The following ATRNL1 variants were observed in gnomAD, a reference collection of about 807,000 sequenced individuals.
The protein encoded by ATRNL1 is attractin-like protein 1.
ATRNL1 carries 95 observed loss-of-function variants against 182.7 expected under a neutral mutation model. The observed-to-expected ratio is 0.52, with a 90% CI of 0.44 to 0.62. The LOEUF (loss-of-function observed/expected upper bound fraction) is 0.62. Ranked by LOEUF, ATRNL1 falls within the 20% of genes least tolerant of loss-of-function variation. The pLI is 0.00. For synonymous variants in ATRNL1, 576 were observed against 568.3 expected (o/e 1.01, Z -0.19); for missense variants, 1,471 against 1,679.5 (o/e 0.88, Z 2.17).
rs144262382 is a variant in ATRNL1, at chr10:115,599,293, TA to T, written c.3795+49758del. Among the ~76,000 whole-genome samples, 302 of 152,280 alleles carry T rather than the reference TA, an allele frequency of 2.0e-3. 6 individuals are homozygous for T. The East Asian group carries it at 0.057, about 29-fold the overall frequency. The stretch of plus-strand genomic sequence containing the variant: ...CATTTTTGTGAAAATATCTGTAAAA[TA>T]TCTAATGTGAATGGTTTGTGTGTCA... On this transcript the variant is annotated intron_variant, in intron 26 of 28. Coordinates refer to ENST00000355044, the MANE Select transcript of ATRNL1 (RefSeq NM_207303.4).
At chr10:115,773,894 C>T (rs1367597838) in intron 27 of ATRNL1, among the ~76,000 whole-genome samples, 1 of 152,078 alleles carries the variant, frequency 6.6e-6, no homozygotes, top group Non-Finnish European at 1.5e-5. Flanking sequence ...TTCCTATCTC[C>T]CTCCCTTTTT....
At chr10:115,925,382 A>G (rs781955746) in intron 28 of ATRNL1, among the ~76,000 whole-genome samples, 7 of 152,132 alleles carry the variant, frequency 4.6e-5, no homozygotes, top group African/African-American at 7.2e-5. Flanking sequence ...TAGCATCAGG[A>G]TGACAGGATC....
intron 18 of ATRNL1, among the ~76,000 whole-genome samples, chr10:115,331,133 C>T (rs780377895): frequency 5.9e-5 from 9 of 151,886 alleles, no homozygotes; most frequent in Non-Finnish European, 1.0e-4. Context: ...AATCTCGGCT[C>T]ACTGCAACCT....
At chr10:115,113,322 A>G (rs1227549543) in intron 1 of ATRNL1, among the ~76,000 whole-genome samples, 3 of 152,190 alleles carry the variant, frequency 2.0e-5, no homozygotes, top group African/African-American at 7.2e-5. Flanking sequence ...CATTTCTTTC[A>G]TCAAACAAGG....
intron 27 of ATRNL1, among the ~76,000 whole-genome samples, chr10:115,805,751 T>C (rs192510319): frequency 8.4e-4 from 128 of 152,230 alleles, no homozygotes; most frequent in Non-Finnish European, 8.2e-4. Flanking sequence ...TTGTATCTGG[T>C]ATGTTTGTCA....
At chr10:115,193,537 A>C (rs1345212294) in intron 8 of ATRNL1, among the ~76,000 whole-genome samples, 1 of 151,288 alleles carries the variant, frequency 6.6e-6, no homozygotes, top group African/African-American at 2.4e-5. Flanking sequence ...TGATTCTTTG[A>C]TTTTCTGTGG....
At chr10:115,274,975 G>A (rs1852039365) in intron 13 of ATRNL1, among the ~76,000 whole-genome samples, 1 of 152,176 alleles carries the variant, frequency 6.6e-6, no homozygotes, top group Non-Finnish European at 1.5e-5. Flanking sequence ...CAAATTTCAT[G>A]GGAATATGGT....
intron 19 of ATRNL1, among the ~76,000 whole-genome samples, chr10:115,363,783 C>T (rs1856875323): frequency 6.7e-6 from 1 of 149,080 alleles, no homozygotes; most frequent in African/African-American, 2.4e-5. Context: ...GGAATCCTTT[C>T]CCCATTGCTT....
intron 10 of ATRNL1, among the ~76,000 whole-genome samples, chr10:115,259,446 T>G (rs1187398592): frequency 6.6e-6 from 1 of 152,202 alleles, no homozygotes; most frequent in Admixed American, 6.5e-5. Flanking sequence ...AGAATCTCCT[T>G]GTCTGCTGAT....
chr10:115,336,798 C>G (rs1855498667), intron 19 of ATRNL1, among the ~76,000 whole-genome samples: 1 of 152,018 alleles, frequency 6.6e-6, no homozygotes, highest in Non-Finnish European at 1.5e-5. Flanking sequence ...AAGTGAAACC[C>G]ACATAACAGA....
At chr10:115,598,356 T>TATTTATTTATTTATTTATTC (rs1243939734) in intron 26 of ATRNL1, among the ~76,000 whole-genome samples, 1 of 144,672 alleles carries the variant, frequency 6.9e-6, no homozygotes, top group African/African-American at 2.7e-5. Context: ...AAAAATTATT[T>TATTTATTTATTTATTTATTC]ATTTATTTAT....
intron 26 of ATRNL1, among the ~76,000 whole-genome samples, chr10:115,689,143 T>G (rs541240812): frequency 2.1e-4 from 32 of 152,202 alleles, no homozygotes; most frequent in Non-Finnish European, 4.4e-4. Context: ...TTCTCTACTC[T>G]GTTCTATGGG....
At chr10:115,764,523 C>T (rs1193779973) in intron 27 of ATRNL1, among the ~76,000 whole-genome samples, 1 of 152,126 alleles carries the variant, frequency 6.6e-6, no homozygotes, top group African/African-American at 2.4e-5. Context: ...TTTTTACTGT[C>T]TCCATAATTT....
chr10:115,690,515 T>C (rs1946356696), intron 26 of ATRNL1, among the ~76,000 whole-genome samples: 1 of 152,124 alleles, frequency 6.6e-6, no homozygotes, highest in South Asian at 2.1e-4. Context: ...GCCTGGTTTC[T>C]AACAAGCCAC....
At chr10:115,134,113 A>G (rs1470126604) in intron 5 of ATRNL1, among the ~76,000 whole-genome samples, 2 of 152,194 alleles carry the variant, frequency 1.3e-5, no homozygotes, top group African/African-American at 2.4e-5. Context: ...ACACCCTAAC[A>G]TCACAATTAA....
In ATRNL1 at chr10:115,630,337, C is replaced by T. The variant is rs367905271; in HGVS notation, c.3795+80801C>T. 6.7e-4 allele frequency among the ~76,000 whole-genome samples: 102 copies of T among 151,966 alleles called. 1 individual carries two copies. In the South Asian group the frequency reaches 0.021, roughly 31 times the overall value. On this transcript the variant is annotated intron_variant, in intron 26 of 28. Coordinates refer to ENST00000355044, the MANE Select transcript of ATRNL1 (RefSeq NM_207303.4). ...ATATTATCTTACATCTGATAGGATG[C>T]CTGTTATCAAAAAATAAAAAGTACA...
chr10:115,819,412 C>T (rs1436768206), intron 27 of ATRNL1, among the ~76,000 whole-genome samples: 3 of 152,002 alleles, frequency 2.0e-5, no homozygotes, highest in Non-Finnish European at 4.4e-5. Flanking sequence ...TCTGATCAGG[C>T]CTATATCTCT....
chr10:115,369,260 G>C (rs1403131568), intron 19 of ATRNL1, among the ~76,000 whole-genome samples: 1 of 149,128 alleles, frequency 6.7e-6, no homozygotes. Flanking sequence ...TAGGGGTTGT[G>C]TGAGGGGGAT....
chr10:115,856,076 C>T (rs779056944), intron 28 of ATRNL1, among the ~76,000 whole-genome samples: 35 of 152,018 alleles, frequency 2.3e-4, no homozygotes, highest in Non-Finnish European at 4.6e-4. Context: ...GGACAGATAA[C>T]CTCACAAAAG....
Sources: gnomAD v4.1 joint callset for allele counts (sites outside exome capture counted in the v4.1 genomes callset) on GRCh38, gnomAD v4.1.1 for gene constraint, MANE v1.5 for transcripts, NCBI Gene and HGNC (gene_info 2026-07-23, HGNC 2026-07-21) for gene names.